DAB2IP: variants seen among roughly 807,000 people sequenced by gnomAD.
DAB2IP encodes the protein DAB2 interacting protein, also known as disabled homolog 2-interacting protein.
A neutral mutation model predicts 107.2 loss-of-function variants in DAB2IP; 28 were observed. That is an observed-to-expected ratio of 0.26 (90% confidence interval 0.19 to 0.36). The LOEUF (loss-of-function observed/expected upper bound fraction) is 0.36, where lower values mean the gene tolerates loss of function less well. Ranked by LOEUF, DAB2IP falls within the 10% of genes least tolerant of loss-of-function variation. DAB2IP has a pLI of 1.00. For synonymous variants in DAB2IP, 755 were observed against 706.4 expected, an observed-to-expected ratio of 1.07 and a Z score of -1.09; for missense variants, 1,400 against 1,644.7, an observed-to-expected ratio of 0.85 and a Z score of 2.57.
intron 1 of DAB2IP, among the ~76,000 whole-genome samples, chr9:121,654,183 A>G (rs1250253560): frequency 1.3e-5 from 2 of 152,032 alleles, no homozygotes; most frequent in African/African-American, 2.4e-5. Flanking sequence ...TTCTCTCTGG[A>G]CAGAATGAAC....
At chr9:121,710,786 G>A (rs1387320775) in intron 3 of DAB2IP, among the ~76,000 whole-genome samples, 4 of 152,196 alleles carry the variant, frequency 2.6e-5, no homozygotes, top group Non-Finnish European at 5.9e-5. Context: ...GATGGGTGAA[G>A]CTGGCGCTGA....
At chr9:121,632,242 C>G (rs150872170) in intron 1 of DAB2IP, among the ~76,000 whole-genome samples, 1 of 152,206 alleles carries the variant, frequency 6.6e-6, no homozygotes, top group South Asian at 2.1e-4. Flanking sequence ...GCACCTGTCT[C>G]GCAGAGTTGC....
chr9:121,706,167 C>T (rs1830049201), intron 3 of DAB2IP, among the ~76,000 whole-genome samples: 1 of 152,216 alleles, frequency 6.6e-6, no homozygotes, highest in African/African-American at 2.4e-5. Flanking sequence ...TCAGTGCATC[C>T]ATCTGCGAGG....
chr9:121,619,542 G>T (rs1484724204), intron 1 of DAB2IP, among the ~76,000 whole-genome samples: 3 of 152,216 alleles, frequency 2.0e-5, no homozygotes, highest in Admixed American at 1.3e-4. Flanking sequence ...CATGTATCAG[G>T]CACAGTTTTG....
Position 121,698,702 on chromosome 9 carries a change from G to A in DAB2IP, c.229-623G>A. ...GGGAAGGAAAGTCGCCCGGAATCGG[G>A]GTCTAAGTGGCCAGGGCACTGCCAG... On this transcript the variant is annotated intron_variant, in intron 2 of 15. Transcript: ENST00000408936. This position sits in a 1 kb window ranked among gnomAD's most constrained non-coding sequence, Gnocchi z 4.1. 6.6e-6 allele frequency among the ~76,000 whole-genome samples: 1 copy of A among 152,202 alleles called. No individual in the cohort carries two copies. Among genetic ancestry groups the A allele is most frequent in the East Asian group, 1.9e-4 (1 of 5,188 alleles).
At position 121,656,951 on chromosome 9, in the gene DAB2IP, C is replaced by T. The variant is rs562307288; in HGVS notation, c.124+5052C>T. 1.3e-4 allele frequency among the ~76,000 whole-genome samples: 20 copies of T among 152,318 alleles called. No individual in the cohort carries two copies. The East Asian group carries it at 3.3e-3, about 25-fold the overall frequency. On this transcript the variant is annotated intron_variant, in intron 1 of 15. Transcript: ENST00000408936. Reference sequence around the variant, plus strand: ...GGTCAGGCCCTGGCTTTGAGAAGGCCACCTCCCTTCACAGCCAATGACTTC... The same window carrying T: ...GGTCAGGCCCTGGCTTTGAGAAGGCTACCTCCCTTCACAGCCAATGACTTC...
At chr9:121,689,578 T>A (rs1445944110) in intron 2 of DAB2IP, among the ~76,000 whole-genome samples, 1 of 148,714 alleles carries the variant, frequency 6.7e-6, no homozygotes, top group Non-Finnish European at 1.5e-5. Context: ...TTTTCCTTGG[T>A]GGCTCTTGGT....
At chr9:121,749,002 G>A (rs995113525) in intron 3 of DAB2IP, among the ~76,000 whole-genome samples, 3 of 152,210 alleles carry the variant, frequency 2.0e-5, no homozygotes, top group African/African-American at 7.2e-5. Context: ...CCTGGGTTGA[G>A]AGGGACCACG....
chr9:121,576,126 C>G (rs921240070), intron 1 of DAB2IP: 14 of 152,242 alleles, frequency 9.2e-5, no homozygotes, highest in African/African-American at 3.4e-4. Context: ...TCCATCTCTA[C>G]CTGCCCCCCA....
At chr9:121,691,812 C>G (rs527324135) in intron 2 of DAB2IP, among the ~76,000 whole-genome samples, 1 of 152,266 alleles carries the variant, frequency 6.6e-6, no homozygotes, top group South Asian at 2.1e-4. Context: ...TTGAATTACC[C>G]TTAGGACCTA....
intron 1 of DAB2IP, among the ~76,000 whole-genome samples, chr9:121,606,974 C>A (rs1402825208): frequency 2.0e-5 from 3 of 152,016 alleles, no homozygotes; most frequent in Admixed American, 6.6e-5. Context: ...AGGGTTTCAC[C>A]ATATTGGTCA....
At chr9:121,714,434 C>T (rs1045537377) in intron 3 of DAB2IP, among the ~76,000 whole-genome samples, 15 of 152,156 alleles carry the variant, frequency 9.9e-5, no homozygotes, top group East Asian at 9.6e-4. Flanking sequence ...CATGCAAGGC[C>T]GAGTCCTGAG....
At chr9:121,781,943 G>A (rs1835686266) in intron 15 of DAB2IP, among the ~76,000 whole-genome samples, 1 of 152,188 alleles carries the variant, frequency 6.6e-6, no homozygotes, top group African/African-American at 2.4e-5. Context: ...TGTGGCCCCA[G>A]CCTCCTTTAC....
At chr9:121,605,713 G>T (rs75077147) in intron 1 of DAB2IP, among the ~76,000 whole-genome samples, 1 of 151,938 alleles carries the variant, frequency 6.6e-6, no homozygotes, top group Non-Finnish European at 1.5e-5. Flanking sequence ...ACTATATTGC[G>T]CAGGCTGGTC....
At chr9:121,676,339 C>CTG (rs543292057) in intron 1 of DAB2IP, among the ~76,000 whole-genome samples, 94 of 152,250 alleles carry the variant, frequency 6.2e-4, no homozygotes, top group Admixed American at 1.8e-3. Context: ...GTCATCTGTC[C>CTG]TGTGTGTGTG....
At chr9:121,652,400 C>T (rs1378088999) in intron 1 of DAB2IP, among the ~76,000 whole-genome samples, 1 of 152,186 alleles carries the variant, frequency 6.6e-6, no homozygotes, top group Admixed American at 6.5e-5. Context: ...TGCAAAGTTT[C>T]TCTCCATCAA....
intron 1 of DAB2IP, among the ~76,000 whole-genome samples, chr9:121,619,256 CA>C (rs1325662526): frequency 2.6e-5 from 4 of 152,212 alleles, no homozygotes; most frequent in Admixed American, 6.5e-5. Flanking sequence ...AAGCAATTCT[CA>C]TGCCTCAGCC....
At chr9:121,614,957 C>T (rs1286778125) in intron 1 of DAB2IP, among the ~76,000 whole-genome samples, 2 of 151,920 alleles carry the variant, frequency 1.3e-5, no homozygotes, top group Non-Finnish European at 2.9e-5. Flanking sequence ...TGGTCTTGAA[C>T]TCCTGACCTC....
intron 3 of DAB2IP, among the ~76,000 whole-genome samples, chr9:121,720,333 G>A (rs1830851158): frequency 1.3e-5 from 2 of 152,200 alleles, no homozygotes; most frequent in South Asian, 4.1e-4. Context: ...CAGCACAGGT[G>A]CCCAGTAAAT....
Sources: allele counts gnomAD v4.1 joint callset (sites outside exome capture counted in the v4.1 genomes callset), GRCh38; gene constraint gnomAD v4.1.1; non-coding constraint Gnocchi (gnomAD v3.1); transcripts MANE v1.5; gene names NCBI Gene and HGNC (gene_info 2026-07-23, HGNC 2026-07-21).